Variants in TMEM214 observed in about 807,000 individuals in gnomAD.
TMEM214 encodes transmembrane protein 214.
Under a neutral mutation model 89.8 loss-of-function variants are expected in TMEM214, and 71 were observed. The ratio of observed to expected loss-of-function variants is 0.79; its 90% CI spans 0.65 to 0.96. The LOEUF (loss-of-function observed/expected upper bound fraction) is 0.96. TMEM214 is among the 40% of genes least tolerant of loss of function. The pLI is 0.00. For synonymous variants in TMEM214, 332 were observed against 349.5 expected (o/e 0.95, Z 0.56); for missense variants, 754 against 843.4 (o/e 0.89, Z 1.31).
intron 1 of TMEM214, 31 bp downstream of exon 1, chr2:27,033,197 C>T (rs927019568): frequency 5.6e-6 from 7 of 1,246,518 alleles, no homozygotes; most frequent in Non-Finnish European, 7.1e-6. Flanking sequence ...GCCGCCTACC[C>T]CAGGCCTGTC....
rs903134605 is a variant in TMEM214, at chr2:27,038,611, C to A, written c.1293+79C>A. 2 of 1,606,396 alleles carry A rather than the reference C, an allele frequency of 1.2e-6. No individual in the cohort carries two copies. The highest frequency in any genetic ancestry group is 1.3e-5 in the African/African-American group (1 of 74,756). On this transcript the variant is annotated intron_variant, in intron 11 of 16. Transcript: ENST00000238788. The surrounding 1 kb of genome is among the most constrained non-coding windows in gnomAD (Gnocchi z 4.4). ...GAGTGGGGGCTCCTCAGCCACTGTC[C>A]CTTCCCTGAGAAGGGACCCTGTTGG...
intron 2 of TMEM214, among the ~76,000 whole-genome samples, chr2:27,034,875 C>T (rs1245520862): frequency 2.6e-5 from 4 of 152,144 alleles, no homozygotes; most frequent in Non-Finnish European, 5.9e-5. Context: ...TGAGCCACCG[C>T]GCCTGGCCCT....
At position 27,039,163 on chromosome 2, in the gene TMEM214, G is replaced by C. The variant is rs537073976; in HGVS notation, c.1524G>C (p.Gln508His). ...ACCTCCGGTCACACAGCTCCTTCCA[G>C]GGTAAGCAGCAATGGGCAAGCGAGG... is the stretch of plus-strand genomic sequence containing the variant. Reference protein sequence around the residue: ...CHDLRSHSSFQASLTGRLLRS... With the variant: ...CHDLRSHSSFHASLTGRLLRS... Residue 508 changes from glutamine (Q) to histidine (H), a missense_variant and splice_region_variant, in exon 13 of 17, where the codon CAG (glutamine) becomes CAC (histidine). Coordinates refer to ENST00000238788, the MANE Select transcript of TMEM214 (RefSeq NM_017727.5). The C allele has an allele frequency of 2.5e-6, 4 of 1,613,368 alleles. No homozygotes were observed.
chr2:27,038,248 T>C lies in TMEM214; in HGVS notation c.1244+11T>C. 1 of 1,611,594 alleles carries C rather than the reference T, an allele frequency of 6.2e-7. No individual in the cohort carries two copies. Among genetic ancestry groups the C allele is most frequent in the Non-Finnish European group, 8.5e-7 (1 of 1,178,174 alleles). On this transcript the variant is annotated intron_variant, in intron 10 of 16. Transcript: ENST00000238788. The surrounding 1 kb of genome is among the most constrained non-coding windows in gnomAD (Gnocchi z 4.4). ...CCTGTCACAGTCCAGGCAGGTGGGG[T>C]GGGAGGCCAGCCTGTCCCTGTGCTA... is the stretch of plus-strand genomic sequence containing the variant.
chr2:27,040,440 G>A lies in TMEM214; in HGVS notation c.1887G>A (p.Trp629Ter), dbSNP rs762962095. ...LFHQNVLLPL[W>*]HLLLEALAWA... ...ACCAGAATGTGCTGCTGCCACTGTG[G>A]CACCTCTTGCTTGAGGCCCTGGCCT... Residue 629 changes from tryptophan to a stop codon, truncating the protein, a stop_gained, in exon 16 of 17, where the codon TGG (tryptophan) becomes TGA (stop). Coordinates refer to ENST00000238788, the MANE Select transcript of TMEM214 (RefSeq NM_017727.5). LOFTEE classifies it high-confidence loss of function. 2 of 1,614,066 alleles carry A rather than the reference G, an allele frequency of 1.2e-6. No individual in the cohort carries two copies. Among genetic ancestry groups the A allele is most frequent in the African/African-American group, 1.3e-5 (1 of 74,946 alleles).
Position 27,035,235 on chromosome 2 carries a change from A to G in TMEM214, c.452A>G (p.Tyr151Cys), listed in dbSNP as rs1667499605. The G allele has an allele frequency of 1.2e-6, 2 of 1,614,112 alleles. No homozygotes were observed. The highest frequency in any genetic ancestry group is 1.7e-6 in the Non-Finnish European group (2 of 1,180,054). ...WLKDLASYLNYKLQAPLSEPT... is the reference protein window; with the variant it reads ...WLKDLASYLNCKLQAPLSEPT... ...AAGGACCTGGCCAGCTATCTCAACT[A>G]CAAGCTACAAGCTCCTCTAAGTGAA... The change falls in exon 3 of 17, where the codon TAC (tyrosine) becomes TGC (cysteine). Residue 151 changes from tyrosine to cysteine, a missense_variant. Tyr to Cys is a radical substitution (Grantham distance 194). Transcript: ENST00000238788.
chr2:27,036,702 C>T lies in TMEM214; in HGVS notation c.827-3C>T, dbSNP rs1186372765. 1 of 1,614,200 alleles carries T rather than the reference C, an allele frequency of 6.2e-7. No homozygotes were observed. The highest frequency in any genetic ancestry group is 2.2e-5 in the East Asian group (1 of 44,882). ...GCCTCCCTCGTGACTTTTACCCCTG[C>T]AGTGTGGCTGGGGATCATGCTGCCT... On this transcript the variant is annotated splice_polypyrimidine_tract_variant and splice_region_variant and intron_variant, in intron 6 of 16. Coordinates refer to ENST00000238788, the MANE Select transcript of TMEM214 (RefSeq NM_017727.5).
At chr2:27,036,379 C>A in intron 5 of TMEM214, 108 bp from the exon 6 acceptor site, 1 of 972,022 alleles carries the variant, frequency 1.0e-6, no homozygotes, top group Non-Finnish European at 1.6e-6. Context: ...CACTCTTGCT[C>A]GGCCTGTCCT....
chr2:27,040,697 C>T lies in TMEM214; in HGVS notation c.1944-14C>T, dbSNP rs1386310143. ...CTCACGTGCATACTCAAAAATGTTCCACTTTCCTTCCAGAGGTGAGGTGAC... is the reference window on the plus strand; with the variant it reads ...CTCACGTGCATACTCAAAAATGTTCTACTTTCCTTCCAGAGGTGAGGTGAC... On this transcript the variant is annotated splice_polypyrimidine_tract_variant and intron_variant, in intron 16 of 16. Transcript: ENST00000238788. The T allele has an allele frequency of 1.2e-6, 2 of 1,613,128 alleles. No homozygotes were observed. Among genetic ancestry groups the T allele is most frequent in the Admixed American group, 1.7e-5 (1 of 60,016 alleles).
At position 27,038,885 on chromosome 2, in the gene TMEM214, C is replaced by A; in HGVS notation, c.1407+70C>A. 6.8e-7 allele frequency: 1 copy of A among 1,478,282 alleles called. No individual in the cohort carries two copies. Among genetic ancestry groups the A allele is most frequent in the Non-Finnish European group, 9.4e-7 (1 of 1,062,914 alleles). The allele number at this position is 1,478,282 out of a possible 1,614,324, so 91.6% of individuals were successfully genotyped here. ...TCTGTCTCAGCACACCTGGGTTGGG[C>A]CTGTATCACATTCCTGCCCCACCTG... is the stretch of plus-strand genomic sequence containing the variant. On this transcript the variant is annotated intron_variant, in intron 12 of 16. Transcript: ENST00000238788. This position sits in a 1 kb window ranked among gnomAD's most constrained non-coding sequence, Gnocchi z 4.4.
rs763932384 is a variant in TMEM214, at chr2:27,039,091, GCTC to G, written c.1458_1460del (p.Leu490del). 6.8e-6 allele frequency: 11 copies of G among 1,613,816 alleles called. No individual in the cohort carries two copies. Among genetic ancestry groups the G allele is most frequent in the Admixed American group, 1.7e-5 (1 of 60,034 alleles). On this transcript the variant is annotated inframe_deletion, in exon 13 of 17. Transcript: ENST00000238788. ...AGGGTCCTCGGCTGCCCTGGACGCG[GCTC>G]CTCCTGTTGCTGCTGGTCTTCGCTG... is the stretch of plus-strand genomic sequence containing the variant.
At chr2:27,036,955 A>G in intron 7 of TMEM214, 122 bp from the exon 8 acceptor site, 1 of 1,108,690 alleles carries the variant, frequency 9.0e-7, no homozygotes, top group South Asian at 1.3e-5. Flanking sequence ...GGAGCTATTA[A>G]GGGCTGGCAG....
In TMEM214 at chr2:27,033,170, A is replaced by C; in HGVS notation, c.151+4A>C. The stretch of plus-strand genomic sequence containing the variant: ...GTGTGGAAATACGACCTGACCCGTG[A>C]GTACCCGCCCTGCCCCGCCGCCTAC... On this transcript the variant is annotated splice_donor_region_variant and intron_variant, in intron 1 of 16. Transcript: ENST00000238788. 3.2e-6 allele frequency: 4 copies of C among 1,245,862 alleles called. No individual in the cohort carries two copies. The highest frequency in any genetic ancestry group is 4.1e-6 in the Non-Finnish European group (4 of 986,258). 77.2% of individuals were successfully genotyped at this position (1,245,862 alleles called of 1,614,324 possible). A position where few individuals can be genotyped will look rare whatever the true frequency, so the allele number is the denominator to read the frequency against.
chr2:27,039,823 T>C lies in TMEM214; in HGVS notation c.1608T>C (p.Ser536=), dbSNP rs1481475234. ...CGTGTGCCAAGCTCTACTCCTACAG[T>C]CTGCAAGGCTACAGGTGAGCTCCTC... The part of the protein sequence containing the change: ...QQACAKLYSY[S]LQGYSWLGET... Residue 536 remains serine, a synonymous_variant, in exon 14 of 17, where the codon AGT becomes AGC. Transcript: ENST00000238788. The C allele has an allele frequency of 1.2e-6, 2 of 1,614,110 alleles. No homozygotes were observed. Among genetic ancestry groups the C allele is most frequent in the Non-Finnish European group, 8.5e-7 (1 of 1,179,994 alleles).
Position 27,034,147 on chromosome 2 carries a change from C to T in TMEM214, c.232C>T (p.Pro78Ser). 3 of 1,614,118 alleles carry T rather than the reference C, an allele frequency of 1.9e-6. No homozygotes were observed. Among genetic ancestry groups the T allele is most frequent in the Non-Finnish European group, 2.5e-6 (3 of 1,180,020 alleles). ...MKRQNKEQVP[P>S]PAVEPKKPGN... ...GCGGCAGAATAAGGAGCAGGTCCCA[C>T]CCCCTGCTGTGGAACCTAAGAAACC... Residue 78 changes from proline to serine, a missense_variant, in exon 2 of 17, where the codon CCC (proline) becomes TCC (serine). By Grantham distance (74) the Pro-to-Ser change is moderately conservative (BLOSUM62 -1). Transcript: ENST00000238788.
In TMEM214 at chr2:27,038,026, C is replaced by T; in HGVS notation, c.1153-120C>T. 1 of 1,606,338 alleles carries T rather than the reference C, an allele frequency of 6.2e-7. No homozygotes were observed. The highest frequency in any genetic ancestry group is 8.5e-7 in the Non-Finnish European group (1 of 1,177,276). On this transcript the variant is annotated intron_variant, in intron 9 of 16. Transcript: ENST00000238788. This position sits in a 1 kb window ranked among gnomAD's most constrained non-coding sequence, Gnocchi z 4.4. Reference sequence around the variant, plus strand: ...GGAGTCTTGACACTGTTTCTCCACCCCTTAGGGTGGATGTGCGGCCTGGAT... The same window carrying T: ...GGAGTCTTGACACTGTTTCTCCACCTCTTAGGGTGGATGTGCGGCCTGGAT...
chr2:27,040,975 A>T lies in TMEM214; in HGVS notation c.*138A>T. ...CCTAGGCAAGTGGCCAGTTGCCTCC[A>T]CCTCAGTTCTTCCATCTTTGGTGGG... On this transcript the variant is annotated 3_prime_UTR_variant, in exon 17 of 17. Transcript: ENST00000238788. The T allele has an allele frequency of 7.6e-6, 8 of 1,046,046 alleles. No individual in the cohort carries two copies. The allele number at this position is 1,046,046 out of a possible 1,614,324, so 64.8% of individuals were successfully genotyped here.
rs927878026 is a variant in TMEM214 at position 27,038,340 on chromosome 2, G to A, written c.1244+103G>A. ...ACCTTTCAGGCTGAGTGGGAACATT[G>A]CTGGAGCAGCCTCTAGGAAGCTGCT... On this transcript the variant is annotated intron_variant, in intron 10 of 16. Coordinates refer to ENST00000238788, the MANE Select transcript of TMEM214 (RefSeq NM_017727.5). This position sits in a 1 kb window ranked among gnomAD's most constrained non-coding sequence, Gnocchi z 4.4. 3 of 1,538,094 alleles carry A rather than the reference G, an allele frequency of 2.0e-6. No individual in the cohort carries two copies. In the African/African-American group the frequency reaches 4.1e-5, roughly 21 times the overall value.
Position 27,038,021 on chromosome 2 carries a change from C to G in TMEM214, c.1153-125C>G. 2 of 1,602,872 alleles carry G rather than the reference C, an allele frequency of 1.2e-6. No individual in the cohort carries two copies. Among genetic ancestry groups the G allele is most frequent in the Non-Finnish European group, 1.7e-6 (2 of 1,175,556 alleles). On this transcript the variant is annotated intron_variant, in intron 9 of 16. Coordinates refer to ENST00000238788, the MANE Select transcript of TMEM214 (RefSeq NM_017727.5). The surrounding 1 kb of genome is among the most constrained non-coding windows in gnomAD (Gnocchi z 4.4). ...TTTCTGGAGTCTTGACACTGTTTCT[C>G]CACCCCTTAGGGTGGATGTGCGGCC...
Sources: allele counts gnomAD v4.1 joint callset (sites outside exome capture counted in the v4.1 genomes callset), GRCh38; gene constraint gnomAD v4.1.1; non-coding constraint Gnocchi (gnomAD v3.1); transcripts MANE v1.5; gene names NCBI Gene and HGNC (gene_info 2026-07-23, HGNC 2026-07-21).